Variants in NMNAT3 observed in about 807,000 individuals in gnomAD.
The protein encoded by NMNAT3 is nicotinamide/nicotinic acid mononucleotide adenylyltransferase 3.
In NMNAT3, 21 loss-of-function variants were observed where a neutral mutation model predicts 24.8. The observed-to-expected ratio is 0.85, with a 90% CI of 0.60 to 1.22. The LOEUF is 1.22. Among genes scored for constraint, NMNAT3 ranks in the 50% most tolerant of loss-of-function variants. NMNAT3 has a pLI of 0.00. For synonymous variants in NMNAT3, 136 were observed against 155.2 expected, an observed-to-expected ratio of 0.88 and a Z score of 0.92; for missense variants, 387 against 436.6, an observed-to-expected ratio of 0.89 and a Z score of 1.01.
chr3:139,599,530 G>C, intron 3 of NMNAT3: 1 of 634,266 alleles, frequency 1.6e-6, no homozygotes, highest in Non-Finnish European at 2.8e-6. Flanking sequence ...AGAAGCTTGG[G>C]GTAATGTAGC....
chr3:139,567,431 T>G (rs1937413985), intron 6 of NMNAT3: 1 of 152,236 alleles, frequency 6.6e-6, no homozygotes, highest in African/African-American at 2.4e-5. Context: ...CATCCCTGTC[T>G]TGTGCCCGTT....
intron 1 of NMNAT3, among the ~76,000 whole-genome samples, chr3:139,659,745 C>T (rs1218232172): frequency 2.6e-5 from 4 of 152,228 alleles, no homozygotes; most frequent in Admixed American, 2.6e-4. Flanking sequence ...CTGGGCCCCA[C>T]AACCCAAGCC....
intron 6 of NMNAT3, 64 bp from the exon 7 acceptor site, chr3:139,561,456 A>G: frequency 6.7e-7 from 1 of 1,486,792 alleles, no homozygotes; most frequent in Non-Finnish European, 9.0e-7. Flanking sequence ...AGACAACATC[A>G]TTGGAAAGTC....
chr3:139,638,708 C>T (rs1375015564), intron 1 of NMNAT3, among the ~76,000 whole-genome samples: 1 of 152,230 alleles, frequency 6.6e-6, no homozygotes, highest in Non-Finnish European at 1.5e-5. Flanking sequence ...CACTCCTAGC[C>T]TGTCTTTTTT....
At chr3:139,668,032 C>G (rs544429039) in intron 1 of NMNAT3, among the ~76,000 whole-genome samples, 17 of 152,196 alleles carry the variant, frequency 1.1e-4, no homozygotes, top group African/African-American at 3.4e-4. Context: ...TGGTTACAAA[C>G]CAGGTGTGTG....
intron 3 of NMNAT3, among the ~76,000 whole-genome samples, chr3:139,622,453 C>T (rs1368895173): frequency 3.0e-5 from 2 of 66,968 alleles, no homozygotes; most frequent in Non-Finnish European, 8.8e-5. Flanking sequence ...AAGATAAACA[C>T]GCCAGGCACG....
At chr3:139,578,490 TA>T (rs542826574) in intron 5 of NMNAT3, among the ~76,000 whole-genome samples, 1 of 152,188 alleles carries the variant, frequency 6.6e-6, no homozygotes, top group African/African-American at 2.4e-5. Flanking sequence ...TATTTACATA[TA>T]AAAAATCCTC....
intron 1 of NMNAT3, among the ~76,000 whole-genome samples, chr3:139,657,745 A>C (rs577034782): frequency 2.0e-5 from 3 of 150,924 alleles, no homozygotes; most frequent in African/African-American, 7.3e-5. Context: ...TGGGGGATGG[A>C]TCATAGGGGT....
rs58824425 is a variant in NMNAT3, at chr3:139,596,916, GTATATATATATATATATATATATATA to G, written c.110-13734_110-13709del. 2.0e-3 allele frequency among the ~76,000 whole-genome samples: 192 copies of G among 97,190 alleles called. 3 individuals are homozygous for G. The highest frequency in any genetic ancestry group is 6.0e-3 in the African/African-American group (145 of 24,262). The allele number at this position is 97,190 out of a possible 152,430, so 63.8% of individuals were successfully genotyped here. ...TTTCCACTATATTTTTGTCATGTGT[GTATATATATATATATATATATATATA>G]TATATATATATATATATATATATTT... On this transcript the variant is annotated intron_variant, in intron 3 of 6. Transcript: ENST00000643695.
intron 3 of NMNAT3, among the ~76,000 whole-genome samples, chr3:139,615,826 T>C (rs2048542894): frequency 6.6e-6 from 1 of 151,296 alleles, no homozygotes; most frequent in African/African-American, 2.4e-5. Context: ...AATGCAGCCA[T>C]CAACAATCTT....
At chr3:139,667,665 C>T (rs989187638) in intron 1 of NMNAT3, among the ~76,000 whole-genome samples, 1 of 152,120 alleles carries the variant, frequency 6.6e-6, no homozygotes, top group African/African-American at 2.4e-5. Context: ...AGTCAACCCC[C>T]AGAATTGTGA....
intron 5 of NMNAT3, among the ~76,000 whole-genome samples, chr3:139,578,255 T>C (rs1939622191): frequency 6.6e-6 from 1 of 152,220 alleles, no homozygotes; most frequent in Non-Finnish European, 1.5e-5. Flanking sequence ...TTATGCTGAA[T>C]ACAAATAGAA....
intron 4 of NMNAT3, among the ~76,000 whole-genome samples, chr3:139,580,048 G>C (rs538444396): frequency 2.6e-5 from 4 of 152,282 alleles, no homozygotes; most frequent in Non-Finnish European, 5.9e-5. Context: ...AGTAAGACAG[G>C]TCTATAATTT....
chr3:139,581,854 C>T (rs556537462), intron 4 of NMNAT3, among the ~76,000 whole-genome samples: 31 of 151,984 alleles, frequency 2.0e-4, no homozygotes, highest in African/African-American at 7.0e-4. Flanking sequence ...TTGAAACATA[C>T]GTAGTTTATT....
At chr3:139,614,034 G>GC (rs2055364155) in intron 3 of NMNAT3, among the ~76,000 whole-genome samples, 1 of 151,986 alleles carries the variant, frequency 6.6e-6, no homozygotes, top group Admixed American at 6.6e-5. Context: ...TATACCTAAT[G>GC]TAAATGACGA....
chr3:139,575,514 T>C (rs1247373532), intron 5 of NMNAT3: 5 of 873,120 alleles, frequency 5.7e-6, no homozygotes, highest in Non-Finnish European at 6.9e-6. Context: ...TTACTAGATA[T>C]ACATGAAAGA....
chr3:139,652,178 A>C (rs1481326079), intron 1 of NMNAT3, among the ~76,000 whole-genome samples: 1 of 152,190 alleles, frequency 6.6e-6, no homozygotes, highest in Non-Finnish European at 1.5e-5. Flanking sequence ...GGCATTCCAG[A>C]AGATTCACAG....
intron 1 of NMNAT3, among the ~76,000 whole-genome samples, chr3:139,667,277 T>C (rs2057612998): frequency 6.6e-6 from 1 of 152,234 alleles, no homozygotes; most frequent in Non-Finnish European, 1.5e-5. Flanking sequence ...TTGTTGTTTT[T>C]TGTCTTTTTG....
intron 3 of NMNAT3, among the ~76,000 whole-genome samples, chr3:139,613,626 C>T (rs1488611655): frequency 6.6e-6 from 1 of 152,074 alleles, no homozygotes. Flanking sequence ...CCAGCCATCC[C>T]ATTACTGGGT....
Sources: allele counts gnomAD v4.1 joint callset (sites outside exome capture counted in the v4.1 genomes callset), GRCh38; gene constraint gnomAD v4.1.1; transcripts MANE v1.5; gene names NCBI Gene and HGNC (gene_info 2026-07-23, HGNC 2026-07-21).